SPARC: variants seen among roughly 807,000 people sequenced by gnomAD.
SPARC encodes the protein secreted protein acidic and cysteine rich.
Under a neutral mutation model 37.7 loss-of-function variants are expected in SPARC, and 23 were observed. That is an observed-to-expected ratio of 0.61 (90% CI 0.44 to 0.87). SPARC has a LOEUF of 0.87. Among genes scored for constraint, SPARC ranks in the 40% least tolerant of loss-of-function variants. The pLI is 0.00. For missense variants in SPARC, 312 were observed against 389.0 expected, an observed-to-expected ratio of 0.80 and a Z score of 1.66; for synonymous variants, 155 against 150.8, an observed-to-expected ratio of 1.03 and a Z score of -0.20.
At chr5:151,680,439 T>G (rs930505779) in intron 1 of SPARC, among the ~76,000 whole-genome samples, 2 of 152,080 alleles carry the variant, frequency 1.3e-5, no homozygotes, top group Admixed American at 6.5e-5. Flanking sequence ...CTTCATTATG[T>G]TGCCCAGGCT....
Position 151,669,785 on chromosome 5 carries a change from C to G in SPARC, c.331-1G>C. 6.2e-7 allele frequency: 1 copy of G among 1,614,142 alleles called. No homozygotes were observed. On this transcript the variant is annotated splice_acceptor_variant, in intron 5 of 9. Coordinates refer to ENST00000231061, the MANE Select transcript of SPARC (RefSeq NM_003118.4). LOFTEE classifies it high-confidence loss of function. ...AGGTCTTGTTGTCATTGCTGCACAC[C>G]TGTTGGCAAAGCACAGAGTACCCCC...
At chr5:151,686,230 G>A (rs1581535738) in intron 1 of SPARC, among the ~76,000 whole-genome samples, 2 of 152,346 alleles carry the variant, frequency 1.3e-5, no homozygotes. Flanking sequence ...CCAAGACTGA[G>A]GTTGTGATGG....
intron 2 of SPARC, among the ~76,000 whole-genome samples, chr5:151,675,339 C>T (rs570916298): frequency 6.6e-6 from 1 of 152,274 alleles, no homozygotes; most frequent in South Asian, 2.1e-4. Context: ...CCTGTTTCTT[C>T]CTCCTCTCCT....
At chr5:151,669,230 G>A (rs1013950104) in intron 6 of SPARC, among the ~76,000 whole-genome samples, 8 of 152,158 alleles carry the variant, frequency 5.3e-5, no homozygotes, top group Admixed American at 6.5e-5. Context: ...AAAGCAAACC[G>A]ACAGGCATGC....
At chr5:151,671,791 G>T (rs1224597676) in intron 4 of SPARC, 97 bp from the exon 5 acceptor site, 18 of 1,531,228 alleles carry the variant, frequency 1.2e-5, no homozygotes, top group Non-Finnish European at 1.4e-5. Context: ...GTCCTTGACT[G>T]TGGCCCCCAC....
At chr5:151,678,191 AT>A (rs1483583967) in intron 1 of SPARC, among the ~76,000 whole-genome samples, 1 of 152,250 alleles carries the variant, frequency 6.6e-6, no homozygotes, top group African/African-American at 2.4e-5. Flanking sequence ...AAGTCATGTT[AT>A]TGAAGAAATA....
chr5:151,674,327 G>A (rs898485816), intron 3 of SPARC, among the ~76,000 whole-genome samples: 6 of 151,986 alleles, frequency 3.9e-5, no homozygotes, highest in African/African-American at 7.2e-5. Flanking sequence ...TCTGTTTTAC[G>A]TTTGCAAAAA....
In SPARC at chr5:151,669,766, T is replaced by C. The variant is rs1195851493; in HGVS notation, c.349A>G (p.Lys117Glu). ...EFEKVCSNDNKTFDSSCHFFA... is the reference protein window; with the variant it reads ...EFEKVCSNDNETFDSSCHFFA... ...AAGTGGCAGGAAGAGTCGAAGGTCTTGTTGTCATTGCTGCACACCTGTTGG... is the reference window on the plus strand; with the variant it reads ...AAGTGGCAGGAAGAGTCGAAGGTCTCGTTGTCATTGCTGCACACCTGTTGG... The change falls in exon 6 of 10, where the codon AAG becomes GAG. Residue 117 changes from lysine to glutamate, a missense_variant. Physicochemically the swap from Lys to Glu is moderately conservative, Grantham distance 56 (BLOSUM62 1). Transcript: ENST00000231061. The C allele has an allele frequency of 1.2e-6, 2 of 1,614,214 alleles. No individual in the cohort carries two copies. Among genetic ancestry groups the C allele is most frequent in the East Asian group, 4.5e-5 (2 of 44,888 alleles).
intron 7 of SPARC, 127 bp from the exon 8 acceptor site, chr5:151,666,636 G>A: frequency 1.3e-6 from 1 of 773,788 alleles, no homozygotes; most frequent in Admixed American, 2.8e-5. Context: ...ACAGCGAGGG[G>A]AGGGAGGTGT....
At chr5:151,675,088 G>A (rs181881578) in intron 2 of SPARC, among the ~76,000 whole-genome samples, 33 of 152,318 alleles carry the variant, frequency 2.2e-4, no homozygotes, top group Admixed American at 7.2e-4. Context: ...GATATTATTA[G>A]TAGTATTATT....
rs376445735 is a variant in SPARC, at chr5:151,667,569, G to A, written c.483C>T (p.Thr161=). Residue 161 remains threonine (T), a synonymous_variant, in exon 7 of 10, where the codon ACC becomes ACT. Transcript: ENST00000231061. ...YIPPCLDSEL[T]EFPLRMRDWL... is the part of the protein sequence containing the mutation. ...AGTCCCGCATGCGCAGGGGGAATTC[G>A]GTCAGCTCAGAGTCCAGGCAAGGGG... 3.7e-5 allele frequency: 59 copies of A among 1,614,024 alleles called. No individual in the cohort carries two copies. Among genetic ancestry groups the A allele is most frequent in the East Asian group, 4.5e-5 (2 of 44,892 alleles).
At position 151,664,209 on chromosome 5, in the gene SPARC, G is replaced by A. The variant is rs1217635466; in HGVS notation, c.761C>T (p.Pro254Leu). The A allele has an allele frequency of 1.9e-6, 3 of 1,614,134 alleles. No homozygotes were observed. ...CATGGGGATGAGGGGAGCACGCAGT[G>A]GAGCCAGCTCGGTGTGGGAGAGGTA... ...DGYLSHTELA[P>L]LRAPLIPMEH... Residue 254 changes from proline to leucine, a missense_variant, in exon 9 of 10, where the codon CCA (proline) becomes CTA (leucine). By Grantham distance (98) the Pro-to-Leu change is moderately conservative. Transcript: ENST00000231061.
rs1761021904 is a variant in SPARC, at chr5:151,682,626, T to C, written c.-14+4239A>G. The stretch of plus-strand genomic sequence containing the variant: ...AGCCACTACCGATGAATTAGTGATG[T>C]TGTCAGGCCACATGAAACCTCTGTG... On this transcript the variant is annotated intron_variant, in intron 1 of 9. Transcript: ENST00000231061. Among the ~76,000 whole-genome samples, 3 of 152,338 alleles carry C rather than the reference T, an allele frequency of 2.0e-5. No individual in the cohort carries two copies. In the South Asian group the frequency reaches 6.2e-4, roughly 32 times the overall value.
At chr5:151,665,560 C>T (rs1210570714) in intron 8 of SPARC, among the ~76,000 whole-genome samples, 1 of 152,202 alleles carries the variant, frequency 6.6e-6, no homozygotes, top group Non-Finnish European at 1.5e-5. Context: ...TGCTCTGCTT[C>T]CACAACCCAA....
Position 151,666,461 on chromosome 5 carries a change from G to C in SPARC, c.634C>G (p.Pro212Ala). The stretch of plus-strand genomic sequence containing the variant: ...AAGTCCCGGGCCAGCAGCTCCACGG[G>C]GTGGTCTCCTGCCTCCAGGCGCTTC... ...NEKRLEAGDH[P>A]VELLARDFEK... Residue 212 changes from proline to alanine, a missense_variant, in exon 8 of 10, where the codon CCC becomes GCC. Transcript: ENST00000231061. 1 of 1,614,146 alleles carries C rather than the reference G, an allele frequency of 6.2e-7. No individual in the cohort carries two copies. Among genetic ancestry groups the C allele is most frequent in the Non-Finnish European group, 8.5e-7 (1 of 1,180,006 alleles).
chr5:151,684,144 A>G (rs1269805115), intron 1 of SPARC, among the ~76,000 whole-genome samples: 1 of 152,232 alleles, frequency 6.6e-6, no homozygotes, highest in Non-Finnish European at 1.5e-5. Context: ...GATAAGGATT[A>G]CAGCATGATG....
intron 5 of SPARC, among the ~76,000 whole-genome samples, chr5:151,670,214 T>G (rs6861486): frequency 1.3e-5 from 2 of 152,066 alleles, no homozygotes; most frequent in Non-Finnish European, 2.9e-5. Context: ...GAAACAGTTC[T>G]CTGCACTGTT....
At chr5:151,683,542 G>A (rs1761058451) in intron 1 of SPARC, among the ~76,000 whole-genome samples, 1 of 152,192 alleles carries the variant, frequency 6.6e-6, no homozygotes, top group Non-Finnish European at 1.5e-5. Flanking sequence ...ACATAGAGGT[G>A]GTTGGTGATA....
chr5:151,680,692 T>C (rs1382610906), intron 1 of SPARC, among the ~76,000 whole-genome samples: 1 of 152,168 alleles, frequency 6.6e-6, no homozygotes, highest in Non-Finnish European at 1.5e-5. Context: ...CACTTAGTAA[T>C]TGTATGACCT....
Sources: gnomAD v4.1 joint callset for allele counts (sites outside exome capture counted in the v4.1 genomes callset) on GRCh38, gnomAD v4.1.1 for gene constraint, MANE v1.5 for transcripts, NCBI Gene and HGNC (gene_info 2026-07-23, HGNC 2026-07-21) for gene names.